The following SDC1 variants were observed in gnomAD, a reference collection of about 807,000 sequenced individuals.
SDC1 encodes syndecan-1.
Under a neutral mutation model 29.7 loss-of-function variants are expected in SDC1, and 14 were observed. That is an observed-to-expected ratio of 0.47 (90% CI 0.31 to 0.74). SDC1 has a LOEUF of 0.74. Ranked by LOEUF, SDC1 falls within the 30% of genes least tolerant of loss-of-function variation. The pLI is 0.05. For synonymous variants in SDC1, 204 were observed against 175.5 expected (o/e 1.16, Z -1.29); for missense variants, 406 against 400.3 (o/e 1.01, Z -0.12).
In SDC1 at chr2:20,202,883, AC is replaced by A; in HGVS notation, c.815del (p.Gly272ValfsTer7). 1 of 1,613,728 alleles carries A rather than the reference AC, an allele frequency of 6.2e-7. No individual in the cohort carries two copies. Among genetic ancestry groups the A allele is most frequent in the Non-Finnish European group, 8.5e-7 (1 of 1,179,876 alleles). On this transcript the variant is annotated frameshift_variant, in exon 5 of 5. Coordinates refer to ENST00000254351, the MANE Select transcript of SDC1 (RefSeq NM_002997.5). LOFTEE classifies it high-confidence loss of function. ...VGLIFAVCLV[G>X]FMLYRMKKKD... ...TCTTCTTCATGCGGTACAGCATGAAACCCACCAGGCACACAGCAAAGATGAG... is the reference window on the plus strand; with the variant it reads ...TCTTCTTCATGCGGTACAGCATGAAACCACCAGGCACACAGCAAAGATGAG...
Position 20,204,158 on chromosome 2 carries a change from C to A in SDC1, c.282G>T (p.Pro94=). Residue 94 remains proline, a synonymous_variant, in exon 3 of 5, where the codon CCG becomes CCT. Coordinates refer to ENST00000254351, the MANE Select transcript of SDC1 (RefSeq NM_002997.5). Reference sequence around the variant, plus strand: ...CTCCCTCCTTGGGCCCCTCTCCAGCCGGCAGGGTGGAGGTGGAGGCAGCTG... The same window carrying A: ...CTCCCTCCTTGGGCCCCTCTCCAGCAGGCAGGGTGGAGGTGGAGGCAGCTG... The part of the protein sequence containing the change: ...EATAASTSTL[P]AGEGPKEGEA... 2 of 1,601,496 alleles carry A rather than the reference C, an allele frequency of 1.2e-6. No homozygotes were observed. Among genetic ancestry groups the A allele is most frequent in the Admixed American group, 1.7e-5 (1 of 59,978 alleles).
intron 1 of SDC1, 86 bp from the exon 2 acceptor site, chr2:20,205,510 C>T (rs980469328): frequency 1.5e-5 from 16 of 1,062,264 alleles, no homozygotes; most frequent in Non-Finnish European, 1.9e-5. Flanking sequence ...GCTGAGTGGA[C>T]TCACCCTACC....
Position 20,202,446 on chromosome 2 carries a change from T to C in SDC1, c.*320A>G, listed in dbSNP as rs369702183. Reference sequence around the variant, plus strand: ...TAGGTCCAAAGCAGTCGGATCCCCCTCCCCTCCAGAGCTGGACCTGGGGAG... The same window carrying C: ...TAGGTCCAAAGCAGTCGGATCCCCCCCCCCTCCAGAGCTGGACCTGGGGAG... On this transcript the variant is annotated 3_prime_UTR_variant, in exon 5 of 5. Transcript: ENST00000254351. 148 of 602,038 alleles carry C rather than the reference T, an allele frequency of 2.5e-4. No individual in the cohort carries two copies. The highest frequency in any genetic ancestry group is 2.3e-3 in the African/African-American group (122 of 53,618). The allele number at this position is 602,038 out of a possible 1,614,324, so 37.3% of individuals were successfully genotyped here. A position where few individuals can be genotyped will look rare whatever the true frequency, so the allele number is the denominator to read the frequency against.
chr2:20,203,390 C>T (rs1328096058), intron 3 of SDC1, among the ~76,000 whole-genome samples, 168 bp from the exon 4 acceptor site: 11 of 152,210 alleles, frequency 7.2e-5, no homozygotes, highest in Admixed American at 7.2e-4. Context: ...GCCTTCTTGC[C>T]ACATCAACTC....
chr2:20,210,108 G>A (rs112195648), intron 1 of SDC1, among the ~76,000 whole-genome samples: 12 of 152,236 alleles, frequency 7.9e-5, no homozygotes, highest in Non-Finnish European at 1.6e-4. Flanking sequence ...TCGGGAGGCC[G>A]AGGTAGGCGG....
chr2:20,202,432 C>T lies in SDC1; in HGVS notation c.*334G>A, dbSNP rs1677048128. ...CACATGAGGCCATTTAGGTCCAAAGCAGTCGGATCCCCCTCCCCTCCAGAG... is the reference window on the plus strand; with the variant it reads ...CACATGAGGCCATTTAGGTCCAAAGTAGTCGGATCCCCCTCCCCTCCAGAG... On this transcript the variant is annotated 3_prime_UTR_variant, in exon 5 of 5. Transcript: ENST00000254351. 10 of 617,110 alleles carry T rather than the reference C, an allele frequency of 1.6e-5. No individual in the cohort carries two copies. The highest frequency in any genetic ancestry group is 1.6e-4 in the South Asian group (8 of 51,566). The allele number at this position is 617,110 out of a possible 1,614,324, so 38.2% of individuals were successfully genotyped here. A position where few individuals can be genotyped will look rare whatever the true frequency, so the allele number is the denominator to read the frequency against.
intron 1 of SDC1, among the ~76,000 whole-genome samples, chr2:20,212,100 C>T (rs3771245): frequency 2.3e-5 from 3 of 128,288 alleles, no homozygotes; most frequent in South Asian, 2.5e-4. Context: ...AGGCTGGCCC[C>T]GCGGCTTTAG....
chr2:20,225,195 G>GC, upstream of SDC1: 1 of 136,418 alleles, frequency 7.3e-6, no homozygotes, highest in Non-Finnish European at 1.4e-5. Flanking sequence ...CCAGGACCCC[G>GC]CCCCCCAGCC....
intron 1 of SDC1, among the ~76,000 whole-genome samples, chr2:20,214,875 C>G (rs897015645): frequency 6.6e-6 from 1 of 152,158 alleles, no homozygotes; most frequent in African/African-American, 2.4e-5. Context: ...GAGGAGCTGG[C>G]AATCAGTTTT....
intron 1 of SDC1, among the ~76,000 whole-genome samples, chr2:20,214,745 T>C (rs763610013): frequency 1.9e-4 from 29 of 152,094 alleles, no homozygotes; most frequent in Non-Finnish European, 3.8e-4. Flanking sequence ...GGGGGTGTGG[T>C]GGAAGAAGAG....
chr2:20,210,134 G>C (rs1007073989), intron 1 of SDC1, among the ~76,000 whole-genome samples: 1 of 152,230 alleles, frequency 6.6e-6, no homozygotes, highest in Non-Finnish European at 1.5e-5. Flanking sequence ...CTGAGGTCAG[G>C]AATTCCAAAC....
rs148938227 is a variant in SDC1 at position 20,205,087 on chromosome 2, C to T, written c.148+256G>A. On this transcript the variant is annotated intron_variant, in intron 2 of 4. Transcript: ENST00000254351. ...GCTATTCCTAGTGAATATGAGCCTG[C>T]GTGCAGCAGGCGGCCCTGGGGCCTT... Among the ~76,000 whole-genome samples, 66 of 152,354 alleles carry T rather than the reference C, an allele frequency of 4.3e-4. 1 individual carries two copies. The East Asian group carries it at 7.5e-3, about 17-fold the overall frequency.
chr2:20,218,528 GACACACACACACACA>G, intron 1 of SDC1, among the ~76,000 whole-genome samples: 1 of 145,234 alleles, frequency 6.9e-6, no homozygotes, highest in East Asian at 2.0e-4. Context: ...CACACACACA[GACACACACACACACA>G]GACACACACA....
chr2:20,207,447 T>C (rs1441636669), intron 1 of SDC1: 3 of 972,850 alleles, frequency 3.1e-6, no homozygotes, highest in African/African-American at 1.8e-5. Flanking sequence ...ACTGGTGCAG[T>C]GGCTCACGCC....
chr2:20,220,049 C>T (rs1677766136), intron 1 of SDC1, among the ~76,000 whole-genome samples: 2 of 152,236 alleles, frequency 1.3e-5, no homozygotes, highest in Admixed American at 6.5e-5. Context: ...CCAAACAGGC[C>T]CCTCCACACC....
chr2:20,212,185 C>A (rs1248305479), intron 1 of SDC1, among the ~76,000 whole-genome samples: 1 of 152,224 alleles, frequency 6.6e-6, no homozygotes, highest in Admixed American at 6.5e-5. Context: ...CCTCAGGGAC[C>A]CACAGCACTG....
chr2:20,217,753 G>A (rs1677676892), intron 1 of SDC1, among the ~76,000 whole-genome samples: 5 of 152,198 alleles, frequency 3.3e-5, no homozygotes, highest in Admixed American at 3.3e-4. Flanking sequence ...CAGCTGATGA[G>A]TGGACTGATC....
Position 20,204,020 on chromosome 2 carries a change from G to A in SDC1, c.420C>T (p.Thr140=). The A allele has an allele frequency of 6.2e-7, 1 of 1,613,384 alleles. No individual in the cohort carries two copies. The change falls in exon 3 of 5, where the codon ACC becomes ACT. Residue 140 remains threonine (T), a synonymous_variant. Transcript: ENST00000254351. The part of the protein sequence containing the change: ...QLPTTHLAST[T]TATTAQEPAT... ...CGGGCTCCTGGGCCGTGGTGGCTGT[G>A]GTCGTTGAGGCCAGATGAGTGGTCG...
chr2:20,203,652 G>T (rs1677124160), intron 3 of SDC1, among the ~76,000 whole-genome samples, 161 bp downstream of exon 3: 2 of 152,222 alleles, frequency 1.3e-5, no homozygotes, highest in South Asian at 4.1e-4. Context: ...AGTCTGTCCT[G>T]CTCTGGGCGA....
Sources: allele counts gnomAD v4.1 joint callset (sites outside exome capture counted in the v4.1 genomes callset), GRCh38; gene constraint gnomAD v4.1.1; transcripts MANE v1.5; gene names NCBI Gene and HGNC (gene_info 2026-07-23, HGNC 2026-07-21).